TPX2: variants seen among roughly 807,000 people sequenced by gnomAD.
TPX2 encodes the protein TPX2 microtubule nucleation factor, also known as targeting protein for Xklp2.
A neutral mutation model predicts 93.6 loss-of-function variants in TPX2; 21 were observed. The ratio of observed to expected loss-of-function variants is 0.22; its 90% CI spans 0.16 to 0.32. The LOEUF (loss-of-function observed/expected upper bound fraction) is 0.32, where lower values mean the gene tolerates loss of function less well. Ranked by LOEUF, TPX2 falls within the 10% of genes least tolerant of loss-of-function variation. The pLI is 1.00. For synonymous variants in TPX2, 281 were observed against 298.3 expected (o/e 0.94, Z 0.60); for missense variants, 776 against 871.1 (o/e 0.89, Z 1.37).
Position 31,798,412 on chromosome 20 carries a change from G to A in TPX2, c.1993G>A (p.Glu665Lys), listed in dbSNP as rs777464716. Reference sequence around the variant, plus strand: ...TCAGGAACCTTTTCAGCTGGCTACTGAGAAGAGAGCCAAAGAGCGGCAGGA... The same window carrying A: ...TCAGGAACCTTTTCAGCTGGCTACTAAGAAGAGAGCCAAAGAGCGGCAGGA... ...LVQEPFQLATEKRAKERQELE... is the reference protein window; with the variant it reads ...LVQEPFQLATKKRAKERQELE... The change falls in exon 17 of 18, where the codon GAG becomes AAG. Residue 665 changes from glutamate (E) to lysine (K), a missense_variant. Coordinates refer to ENST00000300403, the MANE Select transcript of TPX2 (RefSeq NM_012112.5). 3 of 1,614,084 alleles carry A rather than the reference G, an allele frequency of 1.9e-6. No individual in the cohort carries two copies. The highest frequency in any genetic ancestry group is 2.5e-6 in the Non-Finnish European group (3 of 1,180,022).
intron 5 of TPX2, among the ~76,000 whole-genome samples, chr20:31,767,780 G>A (rs1038786301): frequency 3.3e-5 from 5 of 151,978 alleles, no homozygotes; most frequent in African/African-American, 9.7e-5. Context: ...TCACAAACTC[G>A]AGCTCAAGCA....
At position 31,793,898 on chromosome 20, in the gene TPX2, G is replaced by A. The variant is rs755809197; in HGVS notation, c.1560G>A (p.Gly520=). 5.6e-6 allele frequency: 9 copies of A among 1,613,306 alleles called. No homozygotes were observed. The South Asian group carries it at 7.7e-5, about 14-fold the overall frequency. Residue 520 remains glycine (G), a synonymous_variant, in exon 14 of 18, where the codon GGG becomes GGA. Coordinates refer to ENST00000300403, the MANE Select transcript of TPX2 (RefSeq NM_012112.5). The stretch of plus-strand genomic sequence containing the variant: ...AAGCTCAACCTGTGCCACATTATGG[G>A]GTGCCTTTTAAGCCCCAAATCCCAG... ...VIKAQPVPHY[G]VPFKPQIPEA... is the part of the protein sequence containing the mutation.
chr20:31,766,457 G>GTGTGTGTGTGTGTGTGTGTGTGTA (rs2061925988), intron 4 of TPX2, 99 bp from the exon 5 acceptor site: 4 of 598,634 alleles, frequency 6.7e-6, no homozygotes, highest in Non-Finnish European at 9.9e-6. Flanking sequence ...TAGACAGGGT[G>GTGTGTGTGTGTGTGTGTGTGTGTA]TGTGTGTGTG....
At chr20:31,761,110 A>G (rs1030053646) in intron 4 of TPX2, among the ~76,000 whole-genome samples, 2 of 152,136 alleles carry the variant, frequency 1.3e-5, no homozygotes, top group African/African-American at 4.8e-5. Flanking sequence ...GAACATTTGA[A>G]AAGTATTATG....
At chr20:31,740,157 C>G (rs1309779357) in intron 1 of TPX2, among the ~76,000 whole-genome samples, 2 of 152,138 alleles carry the variant, frequency 1.3e-5, no homozygotes, top group South Asian at 2.1e-4. Context: ...CCCCTATTTT[C>G]TTGACATATA....
intron 9 of TPX2, among the ~76,000 whole-genome samples, chr20:31,777,840 G>A (rs957950057): frequency 9.9e-5 from 15 of 150,964 alleles, no homozygotes; most frequent in African/African-American, 3.4e-4. Flanking sequence ...GCAATGGCAC[G>A]ATTTCGGCTC....
chr20:31,793,765 A>G, intron 13 of TPX2, 83 bp from the exon 14 acceptor site: 1 of 1,289,492 alleles, frequency 7.8e-7, no homozygotes, highest in Non-Finnish European at 1.0e-6. Flanking sequence ...GCCACATATT[A>G]ATATAATGTC....
chr20:31,798,606 C>A, intron 17 of TPX2, 54 bp downstream of exon 17: 1 of 1,512,686 alleles, frequency 6.6e-7, no homozygotes, highest in Non-Finnish European at 8.8e-7. Context: ...TTTTATTTTA[C>A]CTGTACCTTA....
Position 31,766,642 on chromosome 20 carries a change from G to A in TPX2, c.316G>A (p.Glu106Lys). 1 of 1,613,846 alleles carries A rather than the reference G, an allele frequency of 6.2e-7. No homozygotes were observed. The highest frequency in any genetic ancestry group is 8.5e-7 in the Non-Finnish European group (1 of 1,179,952). ...AAATGCTTGTTCTTCCCTGGAAGTT[G>A]AGGCAGCCATATCAAGAAAAACTCC... The part of the protein sequence containing the change: ...PSNACSSLEV[E>K]AAISRKTPAQ... The change falls in exon 5 of 18, where the codon GAG (glutamate) becomes AAG (lysine). Residue 106 changes from glutamate (E) to lysine (K), a missense_variant. Around this residue, in one of 3 missense-constraint regions of TPX2, gnomAD observed 279 missense variants for 261.6 expected, o/e 1.07. Transcript: ENST00000300403.
Position 31,741,324 on chromosome 20 carries a change from T to C in TPX2, c.-177-1217T>C, listed in dbSNP as rs184764012. 7.9e-3 allele frequency among the ~76,000 whole-genome samples: 1,209 copies of C among 152,078 alleles called. 16 individuals carry two copies. The highest frequency in any genetic ancestry group is 0.011 in the Non-Finnish European group (773 of 67,988). ...TTTTTTGTTTTTGTTTTTGTTTTTT[T>C]TTTTTGAGACGGAGTCTCACTCTGT... On this transcript the variant is annotated intron_variant, in intron 1 of 17. Transcript: ENST00000300403.
At chr20:31,778,699 A>G (rs2062016748) in intron 9 of TPX2, 114 bp from the exon 10 acceptor site, 3 of 939,466 alleles carry the variant, frequency 3.2e-6, no homozygotes, top group Non-Finnish European at 4.7e-6. Context: ...CAGAATAATA[A>G]TCTTGGTTTT....
intron 11 of TPX2, among the ~76,000 whole-genome samples, chr20:31,782,716 C>T (rs1282909748): frequency 1.3e-5 from 2 of 151,910 alleles, no homozygotes; most frequent in African/African-American, 4.8e-5. Context: ...GGTGAAACCC[C>T]ATCTCTACAA....
At chr20:31,789,617 AAAAAC>A (rs1341479190) in intron 12 of TPX2, among the ~76,000 whole-genome samples, 1 of 143,864 alleles carries the variant, frequency 7.0e-6, no homozygotes, top group African/African-American at 2.9e-5. Context: ...AAAAACAAAA[AAAAAC>A]AAAAAAAAAC....
intron 8 of TPX2, among the ~76,000 whole-genome samples, chr20:31,776,391 T>C (rs1038822596): frequency 1.3e-5 from 2 of 152,048 alleles, no homozygotes; most frequent in African/African-American, 2.4e-5. Context: ...GTAGGTGTTT[T>C]TGAAGTCTCT....
At chr20:31,794,093 A>G (rs1373429044) in intron 14 of TPX2, 69 bp downstream of exon 14, 1 of 1,460,468 alleles carries the variant, frequency 6.8e-7, no homozygotes, top group East Asian at 2.3e-5. Flanking sequence ...TTTTTTCTGT[A>G]GCACTTTTAA....
intron 2 of TPX2, among the ~76,000 whole-genome samples, chr20:31,750,754 A>G (rs963860885): frequency 6.6e-6 from 1 of 152,200 alleles, no homozygotes; most frequent in Non-Finnish European, 1.5e-5. Context: ...TTTATAGGCC[A>G]CGTAAATGGG....
chr20:31,792,879 C>G (rs777388087), intron 13 of TPX2, 49 bp downstream of exon 13: 1 of 1,502,906 alleles, frequency 6.7e-7, no homozygotes, highest in East Asian at 2.3e-5. Context: ...TATAGTCAGT[C>G]AATCTAAGCC....
intron 4 of TPX2, among the ~76,000 whole-genome samples, chr20:31,765,045 C>T (rs2061915957): frequency 6.6e-6 from 1 of 151,734 alleles, no homozygotes; most frequent in African/African-American, 2.4e-5. Context: ...GCCTTGACCT[C>T]CTGGGCTCAA....
At chr20:31,770,588 A>G (rs972640080) in intron 6 of TPX2, 117 bp downstream of exon 6, 1 of 1,002,118 alleles carries the variant, frequency 1.0e-6, no homozygotes, top group African/African-American at 1.7e-5. Flanking sequence ...TAAAAATGGT[A>G]CATCTGTAAT....
Sources: allele counts gnomAD v4.1 joint callset (sites outside exome capture counted in the v4.1 genomes callset), GRCh38; gene constraint gnomAD v4.1.1; regional missense constraint gnomAD v4.1.1; transcripts MANE v1.5; gene names NCBI Gene and HGNC (gene_info 2026-07-23, HGNC 2026-07-21).